Variants in GRID2 observed in about 807,000 individuals in gnomAD.
The protein encoded by GRID2 is glutamate ionotropic receptor delta type subunit 2, also known as glutamate receptor ionotropic, delta-2.
In GRID2, 33 loss-of-function variants were observed where a neutral mutation model predicts 114.8. That is an observed-to-expected ratio of 0.29 (90% CI 0.22 to 0.38). GRID2 has a LOEUF of 0.38. Ranked by LOEUF, GRID2 falls within the 10% of genes least tolerant of loss-of-function variation. GRID2 has a pLI of 1.00. For missense variants in GRID2, 1,184 were observed against 1,257.7 expected (o/e 0.94, Z 0.89); for synonymous variants, 505 against 449.9 (o/e 1.12, Z -1.55).
chr4:92,862,864 C>G (rs1300385431), intron 2 of GRID2, among the ~76,000 whole-genome samples: 1 of 152,028 alleles, frequency 6.6e-6, no homozygotes, highest in Non-Finnish European at 1.5e-5. Flanking sequence ...GCTCAGTGCT[C>G]TAAATACTGC....
chr4:93,461,466 G>T (rs1395291278), intron 11 of GRID2, among the ~76,000 whole-genome samples: 2 of 152,090 alleles, frequency 1.3e-5, no homozygotes, highest in African/African-American at 4.8e-5. Context: ...CAGAATTGCA[G>T]TCTTCATTGA....
chr4:92,779,701 C>T (rs558453022), intron 2 of GRID2, among the ~76,000 whole-genome samples: 1 of 152,132 alleles, frequency 6.6e-6, no homozygotes, highest in Admixed American at 6.6e-5. Context: ...AAGATATCTC[C>T]CCTTTTATAA....
At chr4:93,024,494 A>G (rs1723695719) in intron 2 of GRID2, among the ~76,000 whole-genome samples, 1 of 151,780 alleles carries the variant, frequency 6.6e-6, no homozygotes, top group East Asian at 1.9e-4. Context: ...TGCCTGTAAA[A>G]TGTGTACAAA....
intron 4 of GRID2, among the ~76,000 whole-genome samples, chr4:93,126,247 A>G (rs1263964342): frequency 6.6e-6 from 1 of 152,176 alleles, no homozygotes; most frequent in Non-Finnish European, 1.5e-5. Context: ...GATAATTTTT[A>G]ATTTTTTTTC....
At chr4:93,793,054 T>G (rs1468986333) in intron 1 of GRID2, among the ~76,000 whole-genome samples, 1 of 152,250 alleles carries the variant, frequency 6.6e-6, no homozygotes, top group African/African-American at 2.4e-5. Flanking sequence ...CTGTATTGTT[T>G]TCTAAATAAA....
At chr4:92,423,233 A>T (rs1401219029) in intron 1 of GRID2, among the ~76,000 whole-genome samples, 1 of 152,178 alleles carries the variant, frequency 6.6e-6, no homozygotes, top group Non-Finnish European at 1.5e-5. Flanking sequence ...ACTAGCTAAT[A>T]GACCATTGTT....
chr4:93,556,956 G>A (rs913021494), intron 13 of GRID2, among the ~76,000 whole-genome samples: 2 of 152,146 alleles, frequency 1.3e-5, no homozygotes, highest in African/African-American at 4.8e-5. Flanking sequence ...TTAAAGAAAA[G>A]AATTTCAACC....
chr4:92,411,950 C>A (rs1342631645), intron 1 of GRID2, among the ~76,000 whole-genome samples: 1 of 151,886 alleles, frequency 6.6e-6, no homozygotes, highest in African/African-American at 2.4e-5. Flanking sequence ...TGTGATCCGC[C>A]CGCCTCGGCC....
intron 2 of GRID2, among the ~76,000 whole-genome samples, chr4:92,997,908 A>G (rs1193285173): frequency 6.6e-6 from 1 of 152,116 alleles, no homozygotes; most frequent in African/African-American, 2.4e-5. Flanking sequence ...AATGAAATGT[A>G]TTTATTACTC....
At chr4:93,604,254 A>T (rs72670671) in intron 13 of GRID2, among the ~76,000 whole-genome samples, 3,603 of 152,318 alleles carry the variant, frequency 0.024, 61 homozygotes, top group East Asian at 0.062. Flanking sequence ...CCCATAGATG[A>T]CTTTCACAGG....
intron 2 of GRID2, among the ~76,000 whole-genome samples, chr4:92,698,988 C>G (rs1234857884): frequency 6.6e-6 from 1 of 152,000 alleles, no homozygotes. Context: ...TCTTCTCAAC[C>G]AGTTGTTTTC....
intron 2 of GRID2, among the ~76,000 whole-genome samples, chr4:92,592,023 T>C (rs1728726975): frequency 6.6e-6 from 1 of 151,926 alleles, no homozygotes; most frequent in Admixed American, 6.6e-5. Flanking sequence ...AAATTTTCTA[T>C]GGAAATATTT....
intron 1 of GRID2, among the ~76,000 whole-genome samples, chr4:92,350,431 A>T (rs1728008912): frequency 6.6e-6 from 1 of 151,828 alleles, no homozygotes. Context: ...AAATCACTTC[A>T]GAAAAGTTTT....
intron 2 of GRID2, among the ~76,000 whole-genome samples, chr4:92,661,039 A>G (rs1172306169): frequency 6.6e-6 from 1 of 150,882 alleles, no homozygotes; most frequent in African/African-American, 2.4e-5. Flanking sequence ...GGACTTTGTC[A>G]AGTGGATAAA....
intron 2 of GRID2, among the ~76,000 whole-genome samples, chr4:92,706,193 C>T (rs1734947837): frequency 6.6e-6 from 1 of 152,054 alleles, no homozygotes; most frequent in African/African-American, 2.4e-5. Flanking sequence ...AGTCAAGAGT[C>T]AAAGCTACGT....
intron 13 of GRID2, among the ~76,000 whole-genome samples, chr4:93,576,029 G>C (rs1736387266): frequency 6.6e-6 from 1 of 152,108 alleles, no homozygotes; most frequent in African/African-American, 2.4e-5. Flanking sequence ...GTTATGCTAA[G>C]ATATTTTAAT....
chr4:93,479,282 C>T (rs147067120), intron 11 of GRID2, among the ~76,000 whole-genome samples: 112 of 152,026 alleles, frequency 7.4e-4, no homozygotes, highest in African/African-American at 2.5e-3. Context: ...TGCTTTGCAA[C>T]ACGGGGTTAC....
Position 93,096,420 on chromosome 4 carries a change from A to G in GRID2, c.529+11141A>G, listed in dbSNP as rs549905105. ...AGACAAACTATGAACTGTGCAATAA[A>G]TTCTAAAACATAGATCCGAAAAACG... On this transcript the variant is annotated intron_variant, in intron 3 of 15. Coordinates refer to ENST00000282020, the MANE Select transcript of GRID2 (RefSeq NM_001510.4). Among the ~76,000 whole-genome samples the G allele has an allele frequency of 2.0e-5, 3 of 152,134 alleles. 1 individual carries two copies. The South Asian group carries it at 6.2e-4, about 32-fold the overall frequency.
intron 1 of GRID2, among the ~76,000 whole-genome samples, chr4:92,326,243 A>G (rs1726591857): frequency 6.6e-6 from 1 of 151,964 alleles, no homozygotes; most frequent in East Asian, 1.9e-4. Context: ...ACTTATTGAG[A>G]CATTTGGAGG....
Sources: gnomAD v4.1 joint callset for allele counts (sites outside exome capture counted in the v4.1 genomes callset) on GRCh38, gnomAD v4.1.1 for gene constraint, MANE v1.5 for transcripts, NCBI Gene and HGNC (gene_info 2026-07-23, HGNC 2026-07-21) for gene names.